OPRM1: variants seen among roughly 807,000 people sequenced by gnomAD.
The protein encoded by OPRM1 is opioid receptor mu 1, also known as mu-type opioid receptor.
Under a neutral mutation model 31.8 loss-of-function variants are expected in OPRM1, and 27 were observed. The ratio of observed to expected loss-of-function variants is 0.85; its 90% confidence interval spans 0.63 to 1.17. OPRM1 has a LOEUF of 1.17. OPRM1 is among the 50% of genes most tolerant of loss of function. The probability of loss-of-function intolerance (pLI) is 0.00; values close to 1 mark genes in which losing one functional copy is unlikely to be tolerated. For synonymous variants in OPRM1, 196 were observed against 189.9 expected, an observed-to-expected ratio of 1.03 and a Z score of -0.26; for missense variants, 536 against 511.1, an observed-to-expected ratio of 1.05 and a Z score of -0.47.
intron 1 of OPRM1, chr6:154,083,353 G>A (rs1789610886): frequency 6.6e-6 from 1 of 152,176 alleles, no homozygotes; most frequent in Admixed American, 6.5e-5. Context: ...AGCAGGAGAG[G>A]TAACACAATA....
At chr6:154,040,970 GTT>G (rs3836997) in intron 1 of OPRM1, among the ~76,000 whole-genome samples, 1 of 146,112 alleles carries the variant, frequency 6.8e-6, no homozygotes, top group Non-Finnish European at 1.5e-5. Flanking sequence ...TAATTCGAGG[GTT>G]TTTTTTTTTA....
At chr6:154,163,630 T>G (rs941829244) in intron 3 of OPRM1, among the ~76,000 whole-genome samples, 2 of 152,200 alleles carry the variant, frequency 1.3e-5, no homozygotes, top group African/African-American at 4.8e-5. Flanking sequence ...TGACTGCACA[T>G]GTAGACTGTT....
At chr6:154,139,585 A>T (rs1437402826) in intron 3 of OPRM1, among the ~76,000 whole-genome samples, 1 of 152,136 alleles carries the variant, frequency 6.6e-6, no homozygotes, top group Non-Finnish European at 1.5e-5. Context: ...TCTCAGAAAA[A>T]GCCCCCTGAC....
chr6:154,073,781 T>A (rs1205992212), intron 1 of OPRM1: 1 of 152,406 alleles, frequency 6.6e-6, no homozygotes, highest in African/African-American at 2.4e-5. Context: ...GGCATCTGGG[T>A]CACTTAAGGC....
chr6:154,199,038 A>AT (rs1776861922), intron 3 of OPRM1, among the ~76,000 whole-genome samples: 1 of 152,244 alleles, frequency 6.6e-6, no homozygotes, highest in Non-Finnish European at 1.5e-5. Context: ...TTATCAGAGT[A>AT]TTTTTTAAAC....
chr6:154,039,439 G>A lies in OPRM1; in HGVS notation c.-106G>A, dbSNP rs1426683817. 4 of 1,551,628 alleles carry A rather than the reference G, an allele frequency of 2.6e-6. No homozygotes were observed. The African/African-American group carries it at 5.5e-5, about 21-fold the overall frequency. Reference sequence around the variant, plus strand: ...GGACTGGTTTCTGTAAGAAACAGCAGGAGCTGTGGCAGCGGCGAAAGGAAG... The same window carrying A: ...GGACTGGTTTCTGTAAGAAACAGCAAGAGCTGTGGCAGCGGCGAAAGGAAG... On this transcript the variant is annotated 5_prime_UTR_variant, in exon 1 of 4. Coordinates refer to ENST00000330432, the MANE Select transcript of OPRM1 (RefSeq NM_000914.5).
intron 1 of OPRM1, among the ~76,000 whole-genome samples, chr6:154,021,567 T>C (rs1778367188): frequency 6.6e-6 from 1 of 152,224 alleles, no homozygotes; most frequent in Admixed American, 6.5e-5. Context: ...GTCTTGATAA[T>C]ATTGAGTCTT....
chr6:154,120,585 A>G lies in OPRM1; in HGVS notation c.*1864A>G, dbSNP rs1162882290. Among the ~76,000 whole-genome samples the G allele has an allele frequency of 6.6e-6, 1 of 152,194 alleles. No individual in the cohort carries two copies. Among genetic ancestry groups the G allele is most frequent in the East Asian group, 1.9e-4 (1 of 5,202 alleles). On this transcript the variant is annotated 3_prime_UTR_variant, in exon 4 of 4. Transcript: ENST00000330432. Reference sequence around the variant, plus strand: ...AGTGTACTAGGGTGTATATATTTACATATATACACTACTAGAGCTTCCAAA... The same window carrying G: ...AGTGTACTAGGGTGTATATATTTACGTATATACACTACTAGAGCTTCCAAA...
chr6:154,127,406 CT>C lies in OPRM1; in HGVS notation c.*8687del, dbSNP rs1164904121. On this transcript the variant is annotated 3_prime_UTR_variant, in exon 4 of 4. Transcript: ENST00000330432. ...TGCCTACTCTTCAAGGGTTTAGGGG[CT>C]TAGGGGGAGGTTTTGTTTGGGTTTT... Among the ~76,000 whole-genome samples, 2 of 152,054 alleles carry C rather than the reference CT, an allele frequency of 1.3e-5. No individual in the cohort carries two copies. Among genetic ancestry groups the C allele is most frequent in the Non-Finnish European group, 2.9e-5 (2 of 68,018 alleles).
At chr6:154,100,138 T>TATATATTATCATATTATGACATATC (rs1794517284) in intron 3 of OPRM1, among the ~76,000 whole-genome samples, 1 of 99,960 alleles carries the variant, frequency 1.0e-5, no homozygotes, top group Non-Finnish European at 1.9e-5. Context: ...TGACATATAA[T>TATATATTATCATATTATGACATATC]ATATATTATC....
chr6:154,064,045 T>C (rs1784889482), intron 1 of OPRM1, among the ~76,000 whole-genome samples: 1 of 152,096 alleles, frequency 6.6e-6, no homozygotes, highest in African/African-American at 2.4e-5. Flanking sequence ...TTTGAGAAAC[T>C]GTCCTACTGT....
In OPRM1 at chr6:154,211,079, C is replaced by T. The variant is rs151177567; in HGVS notation, c.1165-35614C>T. 5.9e-5 allele frequency among the ~76,000 whole-genome samples: 9 copies of T among 152,194 alleles called. No individual in the cohort carries two copies. The East Asian group carries it at 1.7e-3, about 29-fold the overall frequency. On this transcript the variant is annotated intron_variant, in intron 3 of 3. Transcript: ENST00000337049. ...GCTACTGTAACCTGTCAGAACTTGCCATCATTTGGGTCTATAATGGACAGG... is the reference window on the plus strand; with the variant it reads ...GCTACTGTAACCTGTCAGAACTTGCTATCATTTGGGTCTATAATGGACAGG...
intron 3 of OPRM1, among the ~76,000 whole-genome samples, chr6:154,169,448 CT>C (rs1216568562): frequency 1.3e-5 from 2 of 152,174 alleles, no homozygotes; most frequent in Admixed American, 1.3e-4. Context: ...TCATCTCCAT[CT>C]TTAAACCCAT....
At chr6:154,028,291 GA>G (rs1393638206) in intron 1 of OPRM1, among the ~76,000 whole-genome samples, 1 of 152,132 alleles carries the variant, frequency 6.6e-6, no homozygotes, top group Non-Finnish European at 1.5e-5. Flanking sequence ...GCTACAGCCT[GA>G]AAAGAGAGCC....
chr6:154,105,449 G>A (rs921429574), intron 3 of OPRM1, among the ~76,000 whole-genome samples: 12 of 152,136 alleles, frequency 7.9e-5, no homozygotes, highest in Admixed American at 2.6e-4. Context: ...TCTGAAAGTT[G>A]TTTCCTCTAT....
intron 3 of OPRM1, among the ~76,000 whole-genome samples, chr6:154,116,359 G>A (rs1160143961): frequency 6.6e-6 from 1 of 152,110 alleles, no homozygotes; most frequent in Non-Finnish European, 1.5e-5. Flanking sequence ...GCCGAGGCAA[G>A]TAGATCACTT....
At chr6:154,176,328 T>C (rs930194083) in intron 3 of OPRM1, among the ~76,000 whole-genome samples, 1 of 152,124 alleles carries the variant, frequency 6.6e-6, no homozygotes, top group Non-Finnish European at 1.5e-5. Context: ...GCCAAAGCAA[T>C]CAGACAAGAG....
At chr6:154,152,346 AG>A (rs57774973) in intron 3 of OPRM1, among the ~76,000 whole-genome samples, 21,430 of 52,060 alleles carry the variant, frequency 0.41, 2,476 homozygotes, top group Non-Finnish European at 0.43. Flanking sequence ...AAAGAAAGAA[AG>A]GAAAGAAAGA....
chr6:154,151,104 A>G (rs1798487616), intron 3 of OPRM1, among the ~76,000 whole-genome samples: 1 of 152,166 alleles, frequency 6.6e-6, no homozygotes, highest in South Asian at 2.1e-4. Flanking sequence ...GTGTTGTCCC[A>G]ATTGGCATGC....
Sources: allele counts gnomAD v4.1 joint callset (sites outside exome capture counted in the v4.1 genomes callset), GRCh38; gene constraint gnomAD v4.1.1; transcripts MANE v1.5; gene names NCBI Gene and HGNC (gene_info 2026-07-23, HGNC 2026-07-21).